RTN1: variants seen among roughly 807,000 people sequenced by gnomAD.
RTN1 encodes the protein reticulon 1, also known as reticulon-1.
A neutral mutation model predicts 65.5 loss-of-function variants in RTN1; 25 were observed. That is an observed-to-expected ratio of 0.38 (90% confidence interval 0.28 to 0.53). The LOEUF is 0.53. Among genes scored for constraint, RTN1 ranks in the 20% least tolerant of loss-of-function variants. RTN1 has a pLI of 0.79. For missense variants in RTN1, 983 were observed against 1,025.4 expected (o/e 0.96, Z 0.57); for synonymous variants, 471 against 447.6 (o/e 1.05, Z -0.66).
intron 1 of RTN1, among the ~76,000 whole-genome samples, chr14:59,801,178 T>C (rs1886539399): frequency 6.6e-6 from 1 of 151,954 alleles, no homozygotes; most frequent in Admixed American, 6.6e-5. Context: ...AGGCAGAAAA[T>C]ATTTTAAATG....
chr14:59,727,576 T>A lies in RTN1; in HGVS notation c.1108A>T (p.Thr370Ser). ...CCCACCGGCCGTGGGTTCTCGGCGG[T>A]TTCATACGATAATCCCTTTGCTTCT... is the stretch of plus-strand genomic sequence containing the variant. Reference protein sequence around the residue: ...IKEAKGLSYETAENPRPVGQL... With the variant: ...IKEAKGLSYESAENPRPVGQL... The change falls in exon 3 of 9, where the codon ACC becomes TCC. Residue 370 changes from threonine (T) to serine (S), a missense_variant. Transcript: ENST00000267484. The surrounding 1 kb of genome is among the most constrained non-coding windows in gnomAD (Gnocchi z 4.2). 2 of 1,612,172 alleles carry A rather than the reference T, an allele frequency of 1.2e-6. No individual in the cohort carries two copies. The highest frequency in any genetic ancestry group is 1.7e-6 in the Non-Finnish European group (2 of 1,179,592).
intron 1 of RTN1, among the ~76,000 whole-genome samples, chr14:59,848,261 T>C (rs765850476): frequency 2.0e-5 from 3 of 152,236 alleles, no homozygotes; most frequent in Non-Finnish European, 4.4e-5. Flanking sequence ...TGCTAGGTGC[T>C]AAGAAGGAAG....
chr14:59,820,356 G>GTTT (rs34274539), intron 1 of RTN1, among the ~76,000 whole-genome samples: 885 of 79,164 alleles, frequency 0.011, 21 homozygotes, highest in East Asian at 0.033. Flanking sequence ...CTTATTGATA[G>GTTT]TTTTTTTTTT....
At position 59,870,431 on chromosome 14, in the gene RTN1, G is replaced by C; in HGVS notation, c.200C>G (p.Pro67Arg). 2.0e-6 allele frequency: 3 copies of C among 1,520,530 alleles called. No individual in the cohort carries two copies. Among genetic ancestry groups the C allele is most frequent in the African/African-American group, 2.9e-5 (2 of 70,112 alleles). The allele number at this position is 1,520,530 out of a possible 1,614,324, so 94.2% of individuals were successfully genotyped here. Residue 67 changes from proline (P) to arginine (R), a missense_variant, in exon 1 of 9, where the codon CCC (proline) becomes CGC (arginine). By Grantham distance (103) the Pro-to-Arg change is moderately radical. Transcript: ENST00000267484. This position sits in a 1 kb window ranked among gnomAD's most constrained non-coding sequence, Gnocchi z 5.1. ...EAASREAGSG[P>R]ARQSPVAMET... ...CATGGCAACGGGCGACTGCCGGGCG[G>C]GGCCCGAGCCGGCTTCCCGCGACGC...
intron 1 of RTN1, among the ~76,000 whole-genome samples, chr14:59,851,826 C>T (rs922970707): frequency 2.1e-5 from 3 of 144,322 alleles, no homozygotes; most frequent in Non-Finnish European, 4.5e-5. Context: ...CACTGAACTC[C>T]AGCCTGGCAA....
chr14:59,662,867 A>G (rs1029614713), intron 3 of RTN1, among the ~76,000 whole-genome samples: 22 of 152,194 alleles, frequency 1.4e-4, no homozygotes, highest in Non-Finnish European at 1.0e-4. Context: ...ATTCAATGCT[A>G]TCCTCATCAA....
intron 2 of RTN1, among the ~76,000 whole-genome samples, chr14:59,730,314 A>T (rs573653031): frequency 6.6e-6 from 1 of 152,334 alleles, no homozygotes; most frequent in East Asian, 1.9e-4. Flanking sequence ...AGTGAACTGG[A>T]TAACCACAAG....
chr14:59,796,938 A>C (rs1455165090), intron 1 of RTN1, among the ~76,000 whole-genome samples: 1 of 152,194 alleles, frequency 6.6e-6, no homozygotes, highest in Non-Finnish European at 1.5e-5. Flanking sequence ...GTAGGGGTTC[A>C]ATAAAAGTTT....
chr14:59,673,150 C>A (rs967813166), intron 3 of RTN1, among the ~76,000 whole-genome samples: 2 of 152,172 alleles, frequency 1.3e-5, no homozygotes, highest in Non-Finnish European at 2.9e-5. Context: ...GTTACAGGAT[C>A]CCTTTGGTAC....
chr14:59,734,958 A>G (rs1215502805), intron 2 of RTN1, among the ~76,000 whole-genome samples: 1 of 152,184 alleles, frequency 6.6e-6, no homozygotes, highest in African/African-American at 2.4e-5. Context: ...GGTCAAAATG[A>G]AAGAAAAAAT....
intron 1 of RTN1, among the ~76,000 whole-genome samples, chr14:59,747,384 C>T (rs948127876): frequency 2.6e-5 from 4 of 152,294 alleles, no homozygotes; most frequent in Admixed American, 6.5e-5. Flanking sequence ...CCGAGGCAGG[C>T]GGATCTCCTG....
At chr14:59,768,456 G>C (rs1885890962) in intron 1 of RTN1, among the ~76,000 whole-genome samples, 1 of 152,304 alleles carries the variant, frequency 6.6e-6, no homozygotes, top group Admixed American at 6.5e-5. Context: ...CAGGCAACTG[G>C]AGGTAACTGG....
At chr14:59,706,555 C>T (rs968110103) in intron 3 of RTN1, among the ~76,000 whole-genome samples, 2 of 150,244 alleles carry the variant, frequency 1.3e-5, no homozygotes, top group African/African-American at 2.5e-5. Context: ...AACTCACATG[C>T]AGTAGTTGCC....
intron 1 of RTN1, among the ~76,000 whole-genome samples, chr14:59,866,117 T>C (rs894992349): frequency 5.9e-5 from 9 of 151,926 alleles, no homozygotes; most frequent in Admixed American, 1.3e-4. Flanking sequence ...ATGAAGAAAA[T>C]GAAAAATAAC....
rs910357512 is a variant in RTN1 at position 59,774,930 on chromosome 14, T to C, written c.242-28449A>G. On this transcript the variant is annotated intron_variant, in intron 1 of 8. Coordinates refer to ENST00000267484, the MANE Select transcript of RTN1 (RefSeq NM_021136.3). This position sits in a 1 kb window ranked among gnomAD's most constrained non-coding sequence, Gnocchi z 5.1. ...TATAATGCTTGACTGAATTAACATTTCAGGGGAAAACTGTTGCAATAACAG... is the reference window on the plus strand; with the variant it reads ...TATAATGCTTGACTGAATTAACATTCCAGGGGAAAACTGTTGCAATAACAG... 1.3e-5 allele frequency among the ~76,000 whole-genome samples: 2 copies of C among 152,210 alleles called. No individual in the cohort carries two copies. The highest frequency in any genetic ancestry group is 2.4e-5 in the African/African-American group (1 of 41,446).
rs907766814 is a variant in RTN1, at chr14:59,850,572, G to C, written c.241+19818C>G. On this transcript the variant is annotated intron_variant, in intron 1 of 8. Coordinates refer to ENST00000267484, the MANE Select transcript of RTN1 (RefSeq NM_021136.3). ...AGAAAGCCAGGGAGTATAATAAAGA[G>C]AGCATGAGACTCAGGTGTCAGAGAT... 6.6e-5 allele frequency among the ~76,000 whole-genome samples: 10 copies of C among 152,224 alleles called. No homozygotes were observed. The East Asian group carries it at 1.5e-3, about 23-fold the overall frequency.
At chr14:59,761,202 T>C (rs908882762) in intron 1 of RTN1, among the ~76,000 whole-genome samples, 2 of 152,236 alleles carry the variant, frequency 1.3e-5, no homozygotes, top group South Asian at 2.1e-4. Flanking sequence ...AGAATTTTCA[T>C]GCTAATTGTC....
chr14:59,624,191 G>T (rs1320595031), intron 3 of RTN1, among the ~76,000 whole-genome samples: 1 of 152,146 alleles, frequency 6.6e-6, no homozygotes, highest in Non-Finnish European at 1.5e-5. Context: ...ACTTTGCTCA[G>T]CTTGAACTTA....
At chr14:59,802,310 C>T (rs1047170355) in intron 1 of RTN1, among the ~76,000 whole-genome samples, 10 of 152,306 alleles carry the variant, frequency 6.6e-5, no homozygotes, top group South Asian at 2.1e-4. Context: ...TTGCCTGACA[C>T]GCAGAATTTC....
Sources: gnomAD v4.1 joint callset for allele counts (sites outside exome capture counted in the v4.1 genomes callset) on GRCh38, gnomAD v4.1.1 for gene constraint, Gnocchi (gnomAD v3.1) non-coding constraint, MANE v1.5 for transcripts, NCBI Gene and HGNC (gene_info 2026-07-23, HGNC 2026-07-21) for gene names.